The following DLG2 variants were observed in gnomAD, a reference collection of about 807,000 sequenced individuals.
The protein encoded by DLG2 is disks large homolog 2.
DLG2 carries 45 observed loss-of-function variants against 132.5 expected under a neutral mutation model. The observed-to-expected ratio is 0.34, with a 90% confidence interval of 0.27 to 0.44. DLG2 has a LOEUF of 0.44. DLG2 is among the 20% of genes least tolerant of loss of function. The pLI, the probability that DLG2 is intolerant of heterozygous loss-of-function variation, is 1.00. For missense variants in DLG2, 1,045 were observed against 1,196.9 expected, an observed-to-expected ratio of 0.87 and a Z score of 1.87; for synonymous variants, 424 against 419.6, an observed-to-expected ratio of 1.01 and a Z score of -0.13.
intron 6 of DLG2, among the ~76,000 whole-genome samples, chr11:84,702,260 T>C (rs774912901): frequency 1.5e-4 from 22 of 151,628 alleles, no homozygotes; most frequent in Non-Finnish European, 2.7e-4. Flanking sequence ...TCTTGCTACA[T>C]GTTCTGCATT....
At chr11:84,462,346 T>C (rs993812582) in intron 7 of DLG2, among the ~76,000 whole-genome samples, 39 of 150,974 alleles carry the variant, frequency 2.6e-4, no homozygotes, top group African/African-American at 9.5e-4. Flanking sequence ...ATACTAACAT[T>C]TTTTTAAAAA....
intron 7 of DLG2, among the ~76,000 whole-genome samples, chr11:84,380,010 TAAGA>T (rs1237355798): frequency 6.6e-6 from 1 of 151,928 alleles, no homozygotes; most frequent in Non-Finnish European, 1.5e-5. Context: ...ATGGAATCTA[TAAGA>T]GAGTAGAGTT....
At chr11:83,884,696 C>T (rs896774829) in intron 15 of DLG2, among the ~76,000 whole-genome samples, 1 of 152,212 alleles carries the variant, frequency 6.6e-6, no homozygotes, top group Non-Finnish European at 1.5e-5. Context: ...AAGGCACCCC[C>T]CAGTAGGGGC....
intron 6 of DLG2, among the ~76,000 whole-genome samples, chr11:84,621,291 A>G (rs2099613481): frequency 6.6e-6 from 1 of 152,108 alleles, no homozygotes; most frequent in African/African-American, 2.4e-5. Flanking sequence ...TAGAAAAATT[A>G]CTCTGGCTAC....
chr11:85,205,577 G>C (rs903247214), intron 4 of DLG2, among the ~76,000 whole-genome samples: 2 of 152,152 alleles, frequency 1.3e-5, no homozygotes, highest in African/African-American at 4.8e-5. Context: ...TAAATGTTTG[G>C]GGTGATGGAT....
At chr11:85,047,001 T>C (rs1433987188) in intron 6 of DLG2, among the ~76,000 whole-genome samples, 2 of 151,988 alleles carry the variant, frequency 1.3e-5, no homozygotes, top group Non-Finnish European at 2.9e-5. Flanking sequence ...TTTCCTTGGC[T>C]ACTTTTCCAT....
rs532615367 is a variant in DLG2, at chr11:85,220,635, A to T, written c.186+64585T>A. Among the ~76,000 whole-genome samples, 35 of 141,392 alleles carry T rather than the reference A, an allele frequency of 2.5e-4. 1 individual carries two copies. Among genetic ancestry groups the T allele is most frequent in the East Asian group, 6.6e-4 (3 of 4,558 alleles). The allele number at this position is 141,392 out of a possible 152,430, so 92.8% of individuals were successfully genotyped here. A position where few individuals can be genotyped will look rare whatever the true frequency, so the allele number is the denominator to read the frequency against. ...AAGTTTATTATATCAAATAGAAAAA[A>T]AAATATATATATATATATAACTTTA... On this transcript the variant is annotated intron_variant, in intron 4 of 27. Transcript: ENST00000376104.
At chr11:83,630,786 C>G (rs1461424010) in intron 19 of DLG2, among the ~76,000 whole-genome samples, 2 of 152,142 alleles carry the variant, frequency 1.3e-5, no homozygotes, top group African/African-American at 2.4e-5. Flanking sequence ...TGTCTCTGTT[C>G]TCCTCAGGTC....
intron 7 of DLG2, among the ~76,000 whole-genome samples, chr11:84,324,521 C>T (rs948827959): frequency 1.3e-5 from 2 of 152,048 alleles, no homozygotes; most frequent in East Asian, 1.9e-4. Flanking sequence ...ATTGTTTTGG[C>T]TATTTGGGGT....
At chr11:83,830,337 C>T (rs553771014) in intron 17 of DLG2, among the ~76,000 whole-genome samples, 19 of 152,080 alleles carry the variant, frequency 1.2e-4, no homozygotes, top group South Asian at 4.1e-4. Flanking sequence ...GAAATACTTG[C>T]GAGTTTTCTT....
intron 18 of DLG2, among the ~76,000 whole-genome samples, chr11:83,670,355 G>A (rs2076624745): frequency 6.7e-6 from 1 of 148,996 alleles, no homozygotes; most frequent in Non-Finnish European, 1.5e-5. Context: ...ACAGGTTTCA[G>A]GCCAAGGCTA....
chr11:84,747,894 A>G (rs2065588226), intron 6 of DLG2, among the ~76,000 whole-genome samples: 1 of 152,178 alleles, frequency 6.6e-6, no homozygotes, highest in African/African-American at 2.4e-5. Context: ...TTCTGCGCCT[A>G]ATAGAAGGAG....
At position 85,168,967 on chromosome 11, in the gene DLG2, G is replaced by A. The variant is rs554661827; in HGVS notation, c.187-14316C>T. 3.8e-4 allele frequency among the ~76,000 whole-genome samples: 58 copies of A among 152,176 alleles called. No individual in the cohort carries two copies. In the South Asian group the frequency reaches 1.0e-2, roughly 26 times the overall value. On this transcript the variant is annotated intron_variant, in intron 4 of 27. Coordinates refer to ENST00000376104, the MANE Select transcript of DLG2 (RefSeq NM_001142699.3). ...AAACAAGCAAAGTGCTAAAGAACAC[G>A]GTCATCCCCTCAGTACCCATGTGGA...
At chr11:84,957,534 T>C (rs553386845) in intron 6 of DLG2, among the ~76,000 whole-genome samples, 114 of 152,324 alleles carry the variant, frequency 7.5e-4, no homozygotes, top group African/African-American at 2.6e-3. Flanking sequence ...CCAGTTCTTT[T>C]GAGGCCTAAC....
At chr11:85,467,521 G>C (rs548879302) in intron 3 of DLG2, among the ~76,000 whole-genome samples, 120 of 152,220 alleles carry the variant, frequency 7.9e-4, no homozygotes, top group Non-Finnish European at 1.4e-3. Flanking sequence ...TAGCATGAAG[G>C]GTTGTTGAAT....
intron 5 of DLG2, among the ~76,000 whole-genome samples, chr11:85,148,715 T>A (rs1292774905): frequency 6.6e-6 from 1 of 152,236 alleles, no homozygotes; most frequent in Non-Finnish European, 1.5e-5. Context: ...TTTGCTTTGA[T>A]GATAGTTTCC....
chr11:85,034,726 ACT>A (rs1314490572), intron 6 of DLG2, among the ~76,000 whole-genome samples: 13 of 152,088 alleles, frequency 8.5e-5, no homozygotes, highest in African/African-American at 2.7e-4. Flanking sequence ...CTTTGCTGAG[ACT>A]CTAGTTTCAG....
At chr11:83,834,266 T>G (rs1347454710) in intron 16 of DLG2, among the ~76,000 whole-genome samples, 1 of 152,168 alleles carries the variant, frequency 6.6e-6, no homozygotes, top group Non-Finnish European at 1.5e-5. Flanking sequence ...TAAGAATACT[T>G]AAATTCATTT....
chr11:84,704,627 T>A (rs921308255), intron 6 of DLG2, among the ~76,000 whole-genome samples: 1 of 151,546 alleles, frequency 6.6e-6, no homozygotes, highest in Non-Finnish European at 1.5e-5. Flanking sequence ...ATTTTCTACA[T>A]GTAGGCTCAA....
Sources: allele counts gnomAD v4.1 joint callset (sites outside exome capture counted in the v4.1 genomes callset), GRCh38; gene constraint gnomAD v4.1.1; transcripts MANE v1.5; gene names NCBI Gene and HGNC (gene_info 2026-07-23, HGNC 2026-07-21).